CDC73: variants seen among roughly 807,000 people sequenced by gnomAD.
CDC73 encodes cell division cycle 73.
CDC73 carries 21 observed loss-of-function variants against 83.7 expected under a neutral mutation model. The observed-to-expected ratio is 0.25, with a 90% CI of 0.18 to 0.36. The LOEUF (loss-of-function observed/expected upper bound fraction) is 0.36. CDC73 is among the 10% of genes least tolerant of loss of function. The pLI, the probability that CDC73 is intolerant of heterozygous loss-of-function variation, is 1.00. For missense variants in CDC73, 342 were observed against 653.3 expected (o/e 0.52, Z 5.19); for synonymous variants, 224 against 212.9 (o/e 1.05, Z -0.45).
At chr1:193,241,202 T>C (rs1677852159) in intron 15 of CDC73, among the ~76,000 whole-genome samples, 1 of 152,154 alleles carries the variant, frequency 6.6e-6, no homozygotes, top group Non-Finnish European at 1.5e-5. Context: ...GTACCTATGA[T>C]TTTGATTGGG....
intron 15 of CDC73, among the ~76,000 whole-genome samples, chr1:193,237,431 A>G (rs542034407): frequency 1.1e-4 from 17 of 152,182 alleles, no homozygotes; most frequent in Non-Finnish European, 2.5e-4. Context: ...GAGGTTTTGC[A>G]AAAGCTTTGA....
chr1:193,152,887 C>A (rs1204221297), intron 10 of CDC73, among the ~76,000 whole-genome samples: 1 of 152,164 alleles, frequency 6.6e-6, no homozygotes, highest in African/African-American at 2.4e-5. Context: ...TCACGCCATT[C>A]TCCTGCCTCA....
intron 15 of CDC73, among the ~76,000 whole-genome samples, chr1:193,237,685 G>T (rs1376952248): frequency 6.6e-6 from 1 of 152,078 alleles, no homozygotes; most frequent in African/African-American, 2.4e-5. Flanking sequence ...CAAAGCCTTT[G>T]TCATTAAATC....
At chr1:193,129,370 G>C (rs1465387853) in intron 2 of CDC73, among the ~76,000 whole-genome samples, 1 of 151,748 alleles carries the variant, frequency 6.6e-6, no homozygotes, top group Non-Finnish European at 1.5e-5. Flanking sequence ...GACCTCAAGG[G>C]ATGCGCCCGC....
intron 10 of CDC73, chr1:193,179,955 A>G (rs1572179538): frequency 6.0e-6 from 1 of 165,544 alleles, no homozygotes; most frequent in East Asian, 1.7e-4. Context: ...TTTGACTGTC[A>G]TTTCTTGAAT....
chr1:193,191,362 TGAA>T (rs1193771178), intron 10 of CDC73, among the ~76,000 whole-genome samples: 4 of 152,216 alleles, frequency 2.6e-5, no homozygotes, highest in Non-Finnish European at 5.9e-5. Flanking sequence ...ACTTACATAC[TGAA>T]ATGCATATTT....
At chr1:193,142,116 AGT>A in intron 7 of CDC73, 50 bp downstream of exon 7, 1 of 1,361,338 alleles carries the variant, frequency 7.3e-7, no homozygotes, top group Non-Finnish European at 1.0e-6. Context: ...AGAGAGAGAG[AGT>A]GCGTTTAATC....
At chr1:193,159,807 A>G (rs908654854) in intron 10 of CDC73, among the ~76,000 whole-genome samples, 3 of 152,174 alleles carry the variant, frequency 2.0e-5, no homozygotes, top group Non-Finnish European at 4.4e-5. Flanking sequence ...TAGTATTTAG[A>G]CTGAACACTT....
intron 16 of CDC73, 126 bp downstream of exon 16, chr1:193,249,997 G>T (rs1572226424): frequency 4.7e-6 from 4 of 858,804 alleles, no homozygotes; most frequent in Non-Finnish European, 7.8e-6. Flanking sequence ...TTAACTTGAT[G>T]CTTATCTTCA....
At chr1:193,132,587 G>T (rs189087815) in intron 3 of CDC73, among the ~76,000 whole-genome samples, 152 of 151,280 alleles carry the variant, frequency 1.0e-3, no homozygotes, top group African/African-American at 3.5e-3. Flanking sequence ...TGTTGGGATT[G>T]CAGGCATGAG....
chr1:193,163,151 TTGTGTG>T (rs57194967), intron 10 of CDC73, among the ~76,000 whole-genome samples: 3 of 39,826 alleles, frequency 7.5e-5, no homozygotes, highest in East Asian at 5.9e-4. Flanking sequence ...CTTTGTGGGG[TTGTGTG>T]TGTGTGTGTG....
rs558226954 is a variant in CDC73, at chr1:193,239,623, A to G, written c.1417+3267A>G. ...ATTTAAAATTTTTTTTTGTTGATAC[A>G]TAATATTTGTACATATTTATGGTGT... On this transcript the variant is annotated intron_variant, in intron 15 of 16. Coordinates refer to ENST00000367435, the MANE Select transcript of CDC73 (RefSeq NM_024529.5). Among the ~76,000 whole-genome samples, 10 of 152,208 alleles carry G rather than the reference A, an allele frequency of 6.6e-5. No homozygotes were observed. In the East Asian group the frequency reaches 1.7e-3, roughly 26 times the overall value.
intron 11 of CDC73, among the ~76,000 whole-genome samples, chr1:193,211,289 C>T (rs1379620933): frequency 6.6e-6 from 1 of 152,210 alleles, no homozygotes; most frequent in African/African-American, 2.4e-5. Context: ...CTCACTGTGG[C>T]TGAAACTTTT....
chr1:193,146,219 C>T (rs943138201), intron 7 of CDC73, among the ~76,000 whole-genome samples: 1 of 152,088 alleles, frequency 6.6e-6, no homozygotes, highest in Non-Finnish European at 1.5e-5. Context: ...ATTCTTACTA[C>T]ATATTCCTTC....
intron 6 of CDC73, among the ~76,000 whole-genome samples, chr1:193,138,748 G>A (rs919140672): frequency 4.1e-5 from 6 of 147,806 alleles, no homozygotes; most frequent in Non-Finnish European, 8.9e-5. Flanking sequence ...ATTATTTTTG[G>A]ATAGTTTCTG....
At chr1:193,132,018 G>A (rs1470813616) in intron 3 of CDC73, among the ~76,000 whole-genome samples, 2 of 152,114 alleles carry the variant, frequency 1.3e-5, no homozygotes, top group Admixed American at 6.5e-5. Flanking sequence ...TAAATACCCA[G>A]CATTTACAAT....
intron 13 of CDC73, among the ~76,000 whole-genome samples, chr1:193,212,707 G>C (rs1337264118): frequency 6.6e-6 from 1 of 152,116 alleles, no homozygotes; most frequent in Non-Finnish European, 1.5e-5. Flanking sequence ...ATGAAAAAAG[G>C]TACTATCGTA....
At chr1:193,133,022 C>T (rs1369316155) in intron 3 of CDC73, among the ~76,000 whole-genome samples, 2 of 151,762 alleles carry the variant, frequency 1.3e-5, no homozygotes, top group African/African-American at 4.8e-5. Context: ...CTGCCTCAGC[C>T]TCCTGAGTAG....
At chr1:193,126,758 ATCT>A (rs1014011574) in intron 2 of CDC73, among the ~76,000 whole-genome samples, 1 of 152,186 alleles carries the variant, frequency 6.6e-6, no homozygotes, top group African/African-American at 2.4e-5. Flanking sequence ...TCTTAAAACA[ATCT>A]TCTTAAACTT....
Sources: allele counts gnomAD v4.1 joint callset (sites outside exome capture counted in the v4.1 genomes callset), GRCh38; gene constraint gnomAD v4.1.1; transcripts MANE v1.5; gene names NCBI Gene and HGNC (gene_info 2026-07-23, HGNC 2026-07-21).